The following ITGB5 variants were observed in gnomAD, a reference collection of about 807,000 sequenced individuals.
ITGB5 encodes the protein integrin subunit beta 5.
Under a neutral mutation model 84.8 loss-of-function variants are expected in ITGB5, and 38 were observed. The observed-to-expected ratio is 0.45, with a 90% CI of 0.35 to 0.59. The LOEUF is 0.59. Ranked by LOEUF, ITGB5 falls within the 20% of genes least tolerant of loss-of-function variation. The pLI is 0.01. For synonymous variants in ITGB5, 393 were observed against 414.4 expected, an observed-to-expected ratio of 0.95 and a Z score of 0.63; for missense variants, 905 against 1,034.5, an observed-to-expected ratio of 0.87 and a Z score of 1.72.
intron 5 of ITGB5, among the ~76,000 whole-genome samples, chr3:124,838,625 A>G (rs1361998293): frequency 6.6e-6 from 1 of 151,832 alleles, no homozygotes; most frequent in African/African-American, 2.4e-5. Context: ...TTTTTGAGAC[A>G]GAGTCTTGCT....
intron 5 of ITGB5, among the ~76,000 whole-genome samples, chr3:124,831,696 C>T (rs1244306849): frequency 6.6e-6 from 1 of 152,124 alleles, no homozygotes; most frequent in Non-Finnish European, 1.5e-5. Flanking sequence ...GTTCTCTGAT[C>T]CCGAGGTCAA....
chr3:124,830,813 G>A (rs1251378789), intron 5 of ITGB5, among the ~76,000 whole-genome samples: 6 of 152,200 alleles, frequency 3.9e-5, no homozygotes, highest in South Asian at 4.2e-4. Flanking sequence ...ATGAAATCCC[G>A]TCTCTACTAA....
chr3:124,809,291 T>C lies in ITGB5; in HGVS notation c.1129-135A>G, dbSNP rs2064460539. 28 of 868,828 alleles carry C rather than the reference T, an allele frequency of 3.2e-5. No homozygotes were observed. In the South Asian group the frequency reaches 4.4e-4, roughly 14 times the overall value. The allele number at this position is 868,828 out of a possible 1,614,324, so 53.8% of individuals were successfully genotyped here. A position where few individuals can be genotyped will look rare whatever the true frequency, so the allele number is the denominator to read the frequency against. On this transcript the variant is annotated intron_variant, in intron 8 of 14. Coordinates refer to ENST00000296181, the MANE Select transcript of ITGB5 (RefSeq NM_002213.5). ...AAGCCAAAGGAAGAGCCAGTGAGCT[T>C]GGTTCCCTGGCCCTCCCTCATCCTT...
chr3:124,841,334 C>A, intron 5 of ITGB5, 49 bp downstream of exon 5: 2 of 1,579,588 alleles, frequency 1.3e-6, no homozygotes, highest in South Asian at 2.3e-5. Context: ...CACTGACGCT[C>A]TCTACCTTGA....
rs75548967 is a variant in ITGB5, at chr3:124,809,337, A to G, written c.1129-181T>C. Reference sequence around the variant, plus strand: ...TCCTTTCCCTTCTCTCTGCACTCACACAACATCTTGCTAGACCCAGCCTGA... The same window carrying G: ...TCCTTTCCCTTCTCTCTGCACTCACGCAACATCTTGCTAGACCCAGCCTGA... On this transcript the variant is annotated intron_variant, in intron 8 of 14. Transcript: ENST00000296181. The G allele has an allele frequency of 1.4e-4, 87 of 610,754 alleles. No individual in the cohort carries two copies. In the East Asian group the frequency reaches 2.2e-3, roughly 15 times the overall value. The allele number at this position is 610,754 out of a possible 1,614,324, so 37.8% of individuals were successfully genotyped here.
intron 4 of ITGB5, among the ~76,000 whole-genome samples, chr3:124,845,572 G>A (rs1400702306): frequency 6.6e-6 from 1 of 152,248 alleles, no homozygotes; most frequent in Non-Finnish European, 1.5e-5. Flanking sequence ...CTCACTGTCA[G>A]GAGTTTTACT....
intron 8 of ITGB5, among the ~76,000 whole-genome samples, chr3:124,814,444 T>C (rs757593038): frequency 6.7e-6 from 1 of 149,774 alleles, no homozygotes; most frequent in Non-Finnish European, 1.5e-5. Context: ...ATGTTAATTA[T>C]ATGTCAATAA....
rs1406147109 is a variant in ITGB5 at position 124,773,711 on chromosome 3, G to A, written c.1895C>T (p.Pro632Leu). Reference protein sequence around the residue: ...GEMCEKCPTCPDACSTKRDCV... With the variant: ...GEMCEKCPTCLDACSTKRDCV... ...GTACCTCTTGGTGCTGCATGCATCC[G>A]GGCAGGTGGGGCACTTCTCACACAT... The change falls in exon 11 of 15, where the codon CCG (proline) becomes CTG (leucine). Residue 632 changes from proline to leucine, a missense_variant. Physicochemically the swap from Pro to Leu is moderately conservative, Grantham distance 98. This residue lies in a region of ITGB5 where 116 missense variants were observed against 177.0 expected (regional missense o/e 0.66). Transcript: ENST00000296181. 14 of 1,612,130 alleles carry A rather than the reference G, an allele frequency of 8.7e-6. No homozygotes were observed. Among genetic ancestry groups the A allele is most frequent in the East Asian group, 4.5e-5 (2 of 44,894 alleles).
chr3:124,791,164 T>C (rs1045811484), intron 10 of ITGB5: 1 of 152,204 alleles, frequency 6.6e-6, no homozygotes, highest in Non-Finnish European at 1.5e-5. Context: ...ACAGAACATG[T>C]CCTGCTTCTC....
At position 124,887,081 on chromosome 3, in the gene ITGB5, G is replaced by A. The variant is rs1325152188; in HGVS notation, c.-81C>T. On this transcript the variant is annotated 5_prime_UTR_variant, in exon 1 of 15. Transcript: ENST00000296181. ...GCCGGGGCTGGGGCCGGAGCGCGGGGGCCGAGGGCCGGGGGCCGCAGCCGC... is the reference window on the plus strand; with the variant it reads ...GCCGGGGCTGGGGCCGGAGCGCGGGAGCCGAGGGCCGGGGGCCGCAGCCGC... 1 of 487,666 alleles carries A rather than the reference G, an allele frequency of 2.1e-6. No individual in the cohort carries two copies. Among genetic ancestry groups the A allele is most frequent in the Admixed American group, 6.5e-5 (1 of 15,282 alleles). 30.2% of individuals were successfully genotyped at this position (487,666 alleles called of 1,614,324 possible).
intron 1 of ITGB5, among the ~76,000 whole-genome samples, chr3:124,893,702 T>A (rs896460923): frequency 3.3e-5 from 5 of 152,164 alleles, no homozygotes; most frequent in Non-Finnish European, 5.9e-5. Flanking sequence ...CTAACTGGCA[T>A]ATAGTAGATC....
intron 3 of ITGB5, chr3:124,857,409 A>T (rs1456090509): frequency 1.3e-5 from 2 of 152,228 alleles, no homozygotes; most frequent in East Asian, 3.8e-4. Context: ...AAAGGTGACA[A>T]AGACCCTAAG....
In ITGB5 at chr3:124,795,349, T is replaced by C. The variant is rs113250724; in HGVS notation, c.1693+1039A>G. Among the ~76,000 whole-genome samples the C allele has an allele frequency of 2.9e-3, 440 of 151,544 alleles. 2 individuals carry two copies. The highest frequency in any genetic ancestry group is 0.01 in the African/African-American group (425 of 41,322). ...ACTAAAAATACAAAAATTAGCCGAGTGTGGTGGCGGGCGCCTATAATCCCA... is the reference window on the plus strand; with the variant it reads ...ACTAAAAATACAAAAATTAGCCGAGCGTGGTGGCGGGCGCCTATAATCCCA... On this transcript the variant is annotated intron_variant, in intron 10 of 14. Coordinates refer to ENST00000296181, the MANE Select transcript of ITGB5 (RefSeq NM_002213.5).
chr3:124,844,034 A>G (rs1254736619), intron 4 of ITGB5, among the ~76,000 whole-genome samples: 4 of 152,166 alleles, frequency 2.6e-5, no homozygotes, highest in Admixed American at 1.3e-4. Context: ...AACAGGAATG[A>G]AAACATCTTA....
intron 6 of ITGB5, among the ~76,000 whole-genome samples, chr3:124,820,892 C>T (rs1333105586): frequency 1.3e-5 from 2 of 152,172 alleles, no homozygotes; most frequent in African/African-American, 4.8e-5. Context: ...TGACAGGCAA[C>T]TCACCACCTC....
rs2063766319 is a variant in ITGB5, at chr3:124,766,269, C to T, written c.2094G>A (p.Glu698=). ...KDCVMMFTYV[E]LPSGKSNLTV... ...TCAGGTTGGACTTCCCACTGGGGAG[C>T]TCCACATAGGTGAACATCATGACGC... The change falls in exon 13 of 15, where the codon GAG becomes GAA. Residue 698 remains glutamate (E), a synonymous_variant. Transcript: ENST00000296181. 2.5e-6 allele frequency: 4 copies of T among 1,613,994 alleles called. No homozygotes were observed. In the South Asian group the frequency reaches 3.3e-5, roughly 13 times the overall value.
chr3:124,851,608 AAC>A (rs3836319), intron 3 of ITGB5, among the ~76,000 whole-genome samples: 5,965 of 145,974 alleles, frequency 0.041, 208 homozygotes, highest in African/African-American at 0.093. Flanking sequence ...TCAGTAAGAA[AAC>A]ACACACACAC....
chr3:124,828,569 G>A (rs568363134), intron 5 of ITGB5, among the ~76,000 whole-genome samples: 14 of 152,336 alleles, frequency 9.2e-5, no homozygotes, highest in African/African-American at 3.1e-4. Context: ...TTTTAGGGGT[G>A]AAGGATATGT....
chr3:124,859,042 TCTGTCCACAGGAGC>T (rs968051703), intron 3 of ITGB5, among the ~76,000 whole-genome samples, 186 bp downstream of exon 3: 1 of 152,210 alleles, frequency 6.6e-6, no homozygotes, highest in African/African-American at 2.4e-5. Context: ...AAGATCTTCC[TCTGTCCACAGGAGC>T]CTGTCCACAG....
Sources: allele counts gnomAD v4.1 joint callset (sites outside exome capture counted in the v4.1 genomes callset), GRCh38; gene constraint gnomAD v4.1.1; regional missense constraint gnomAD v4.1.1; transcripts MANE v1.5; gene names NCBI Gene and HGNC (gene_info 2026-07-23, HGNC 2026-07-21).